Variants in NEGR1 observed in about 807,000 individuals in gnomAD.
NEGR1 encodes IgLON family member 4.
A neutral mutation model predicts 40.9 loss-of-function variants in NEGR1; 10 were observed. That is an observed-to-expected ratio of 0.24 (90% CI 0.15 to 0.42). The LOEUF (loss-of-function observed/expected upper bound fraction) is 0.42, where lower values mean the gene tolerates loss of function less well. Among genes scored for constraint, NEGR1 ranks in the 10% least tolerant of loss-of-function variants. NEGR1 has a pLI of 1.00. For synonymous variants in NEGR1, 185 were observed against 166.8 expected, an observed-to-expected ratio of 1.11 and a Z score of -0.84; for missense variants, 352 against 438.9, an observed-to-expected ratio of 0.80 and a Z score of 1.77.
At chr1:71,432,224 A>G (rs899117985) in intron 6 of NEGR1, among the ~76,000 whole-genome samples, 6 of 152,214 alleles carry the variant, frequency 3.9e-5, no homozygotes, top group Non-Finnish European at 7.3e-5. Flanking sequence ...GAAGATGGGA[A>G]GCAAAAGAGA....
intron 3 of NEGR1, among the ~76,000 whole-genome samples, chr1:71,759,144 T>C (rs1655846090): frequency 6.6e-6 from 1 of 152,180 alleles, no homozygotes; most frequent in Non-Finnish European, 1.5e-5. Flanking sequence ...TTGTATACAT[T>C]GGTAGTACCT....
Position 72,037,863 on chromosome 1 carries a change from T to C in NEGR1, c.177-102552A>G, listed in dbSNP as rs186862383. Among the ~76,000 whole-genome samples the C allele has an allele frequency of 1.8e-3, 270 of 152,228 alleles. 3 individuals are homozygous for C. The highest frequency in any genetic ancestry group is 6.4e-3 in the African/African-American group (268 of 41,570). On this transcript the variant is annotated intron_variant, in intron 1 of 6. Coordinates refer to ENST00000357731, the MANE Select transcript of NEGR1 (RefSeq NM_173808.3). ...TATTAGCCAGGTCGCTTATTTTTATTTGCACCATGAACCACCTGTAATTAA... is the reference window on the plus strand; with the variant it reads ...TATTAGCCAGGTCGCTTATTTTTATCTGCACCATGAACCACCTGTAATTAA...
chr1:71,780,874 C>T (rs896197521), intron 2 of NEGR1, among the ~76,000 whole-genome samples: 1 of 152,204 alleles, frequency 6.6e-6, no homozygotes, highest in African/African-American at 2.4e-5. Flanking sequence ...CTTCCCTCTT[C>T]TGAGCCCATC....
intron 4 of NEGR1, among the ~76,000 whole-genome samples, chr1:71,653,811 T>C (rs2101584467): frequency 6.6e-6 from 1 of 152,232 alleles, no homozygotes; most frequent in East Asian, 1.9e-4. Context: ...ATATTTTTCA[T>C]TTGAGAGACA....
chr1:71,502,624 G>A (rs1647006768), intron 6 of NEGR1, among the ~76,000 whole-genome samples: 2 of 152,278 alleles, frequency 1.3e-5, no homozygotes, highest in East Asian at 3.9e-4. Context: ...GGCCCACTCT[G>A]TCTGGGCTTA....
intron 1 of NEGR1, among the ~76,000 whole-genome samples, chr1:71,976,892 A>C (rs1646309696): frequency 6.6e-6 from 1 of 152,248 alleles, no homozygotes; most frequent in African/African-American, 2.4e-5. Flanking sequence ...TAATTTAAAA[A>C]TAGTGAGACA....
intron 1 of NEGR1, among the ~76,000 whole-genome samples, chr1:72,079,655 C>T (rs548874715): frequency 1.1e-4 from 16 of 151,960 alleles, no homozygotes; most frequent in African/African-American, 3.9e-4. Flanking sequence ...TTTAAATGAT[C>T]AAAACTTGGG....
intron 3 of NEGR1, among the ~76,000 whole-genome samples, chr1:71,704,626 A>G (rs1313949888): frequency 1.3e-5 from 2 of 151,850 alleles, no homozygotes; most frequent in African/African-American, 2.4e-5. Flanking sequence ...AGTATATGCA[A>G]TTGCAAGAAA....
intron 1 of NEGR1, among the ~76,000 whole-genome samples, chr1:72,066,058 T>C (rs189289411): frequency 1.9e-4 from 29 of 152,240 alleles, no homozygotes; most frequent in Middle Eastern, 3.4e-3. Flanking sequence ...ACTCAGAATA[T>C]ATAGAAATAT....
At chr1:71,772,095 T>C (rs1656349834) in intron 3 of NEGR1, among the ~76,000 whole-genome samples, 1 of 152,162 alleles carries the variant, frequency 6.6e-6, no homozygotes, top group Non-Finnish European at 1.5e-5. Context: ...ATTATGTGAC[T>C]CCGGATCCGA....
Position 71,896,485 on chromosome 1 carries a change from C to G in NEGR1, c.409+38594G>C, listed in dbSNP as rs370589678. ...AGATATTAATACAAATATTTTCTCC[C>G]ATTCTGCGTGTTATTTCACTTTCTT... On this transcript the variant is annotated intron_variant, in intron 2 of 6. Transcript: ENST00000357731. Among the ~76,000 whole-genome samples, 11 of 152,216 alleles carry G rather than the reference C, an allele frequency of 7.2e-5. No individual in the cohort carries two copies. The East Asian group carries it at 1.5e-3, about 21-fold the overall frequency.
intron 6 of NEGR1, among the ~76,000 whole-genome samples, chr1:71,523,168 T>TTTGGGTTG (rs1239757831): frequency 6.6e-6 from 1 of 151,716 alleles, no homozygotes; most frequent in Non-Finnish European, 1.5e-5. Flanking sequence ...AGCAGGTAAG[T>TTTGGGTTG]TTGGGTTGTT....
Position 71,750,149 on chromosome 1 carries a change from G to A in NEGR1, c.535+26023C>T, listed in dbSNP as rs992328380. 2.7e-4 allele frequency among the ~76,000 whole-genome samples: 41 copies of A among 151,822 alleles called. 1 individual carries two copies. Among genetic ancestry groups the A allele is most frequent in the Admixed American group, 2.5e-3 (38 of 15,260 alleles). ...GCTGGGACTACAGGCGCCCGCCACC[G>A]CGCCCGGCTAATTTTTTGTATTTTT... On this transcript the variant is annotated intron_variant, in intron 3 of 6. Coordinates refer to ENST00000357731, the MANE Select transcript of NEGR1 (RefSeq NM_173808.3).
chr1:71,664,120 T>C (rs1160441089), intron 4 of NEGR1, among the ~76,000 whole-genome samples: 3 of 152,182 alleles, frequency 2.0e-5, no homozygotes, highest in African/African-American at 7.2e-5. Context: ...GTATTATCAT[T>C]TCTTCTATTC....
intron 1 of NEGR1, among the ~76,000 whole-genome samples, chr1:72,195,230 A>G (rs927430353): frequency 3.9e-5 from 6 of 152,008 alleles, no homozygotes; most frequent in Non-Finnish European, 5.9e-5. Context: ...TTATCACTTG[A>G]GGATAAAGAG....
At chr1:72,274,643 C>T in intron 1 of NEGR1, 2 of 849,374 alleles carry the variant, frequency 2.4e-6, no homozygotes, top group Non-Finnish European at 4.1e-6. Context: ...CAAGGATTTG[C>T]AAGGCTAAGT....
chr1:72,163,084 G>A (rs1432098463), intron 1 of NEGR1, among the ~76,000 whole-genome samples: 1 of 151,914 alleles, frequency 6.6e-6, no homozygotes, highest in Non-Finnish European at 1.5e-5. Context: ...TTATTAAATG[G>A]CAGTTTTTCT....
At chr1:71,772,370 CTCTAG>C (rs1656358597) in intron 3 of NEGR1, among the ~76,000 whole-genome samples, 1 of 151,852 alleles carries the variant, frequency 6.6e-6, no homozygotes, top group South Asian at 2.1e-4. Flanking sequence ...CACCACTGCA[CTCTAG>C]TCTAGGCGAC....
intron 1 of NEGR1, among the ~76,000 whole-genome samples, chr1:71,962,616 C>G (rs1369979958): frequency 2.6e-5 from 4 of 151,938 alleles, no homozygotes; most frequent in Non-Finnish European, 4.4e-5. Context: ...TAAGACACAC[C>G]TATCTCTTAG....
Sources: gnomAD v4.1 joint callset for allele counts (sites outside exome capture counted in the v4.1 genomes callset) on GRCh38, gnomAD v4.1.1 for gene constraint, MANE v1.5 for transcripts, NCBI Gene and HGNC (gene_info 2026-07-23, HGNC 2026-07-21) for gene names.